The following ABCD3 variants were observed in gnomAD, a reference collection of about 807,000 sequenced individuals.
ABCD3 encodes the protein ATP-binding cassette sub-family D member 3.
Under a neutral mutation model 105.5 loss-of-function variants are expected in ABCD3, and 41 were observed. The observed-to-expected ratio is 0.39, with a 90% CI of 0.30 to 0.50. The LOEUF is 0.50. Ranked by LOEUF, ABCD3 falls within the 20% of genes least tolerant of loss-of-function variation. The probability of loss-of-function intolerance (pLI) is 0.84; values close to 1 mark genes in which losing one functional copy is unlikely to be tolerated. For missense variants in ABCD3, 622 were observed against 806.3 expected, an observed-to-expected ratio of 0.77 and a Z score of 2.77; for synonymous variants, 258 against 269.0, an observed-to-expected ratio of 0.96 and a Z score of 0.40.
At chr1:94,452,243 T>C (rs556870994) in intron 1 of ABCD3, among the ~76,000 whole-genome samples, 3 of 152,346 alleles carry the variant, frequency 2.0e-5, no homozygotes, top group Non-Finnish European at 4.4e-5. Context: ...GGAAGATAAG[T>C]GCTGAATTTT....
At chr1:94,396,664 T>C in the ABCD3 span, among the ~76,000 whole-genome samples, 1 of 152,206 alleles carries the variant, frequency 6.6e-6, no homozygotes, top group South Asian at 2.1e-4. Flanking sequence ...AAATTCTTCT[T>C]AATTTTATAG....
At chr1:94,400,176 G>A in the ABCD3 span, among the ~76,000 whole-genome samples, 3 of 152,202 alleles carry the variant, frequency 2.0e-5, no homozygotes, top group Admixed American at 6.5e-5. Flanking sequence ...GAGAGGACAA[G>A]GCGGGCAGAT....
chr1:94,431,015 C>G, intron 1 of ABCD3, among the ~76,000 whole-genome samples: 1 of 152,176 alleles, frequency 6.6e-6, no homozygotes, highest in East Asian at 1.9e-4. Flanking sequence ...TTTAACTTCT[C>G]TGAAATTTGG....
At chr1:94,398,916 G>A in the ABCD3 span, among the ~76,000 whole-genome samples, 5 of 151,678 alleles carry the variant, frequency 3.3e-5, no homozygotes, top group South Asian at 2.1e-4. Context: ...GTGAGACTCC[G>A]TCTCAAAAAA....
At position 94,418,396 on chromosome 1, in the gene ABCD3, T is replaced by G; in HGVS notation, c.-83T>G. 1 of 1,235,570 alleles carries G rather than the reference T, an allele frequency of 8.1e-7. No homozygotes were observed. The highest frequency in any genetic ancestry group is 1.1e-6 in the Non-Finnish European group (1 of 876,368). 76.5% of individuals were successfully genotyped at this position (1,235,570 alleles called of 1,614,324 possible). ...CCCGCCCTCTGCTCTCCTCCCAGTC[T>G]CCCCCGCGCTGCGTGCAGTAAGGTA... On this transcript the variant is annotated 5_prime_UTR_variant, in exon 1 of 23. Coordinates refer to ENST00000370214, the MANE Select transcript of ABCD3 (RefSeq NM_002858.4).
intron 9 of ABCD3, chr1:94,482,553 ACTT>A (rs1005948804): frequency 1.3e-5 from 2 of 152,554 alleles, no homozygotes; most frequent in African/African-American, 4.8e-5. Flanking sequence ...ACTACACTGA[ACTT>A]CTCTTCATCT....
At chr1:94,392,836 G>T in the ABCD3 span, among the ~76,000 whole-genome samples, 1 of 152,152 alleles carries the variant, frequency 6.6e-6, no homozygotes, top group Admixed American at 6.5e-5. Flanking sequence ...ATTGTAGGCT[G>T]GGCGTGGTGG....
At chr1:94,389,715 T>C in the ABCD3 span, among the ~76,000 whole-genome samples, 1 of 152,182 alleles carries the variant, frequency 6.6e-6, no homozygotes, top group Non-Finnish European at 1.5e-5. Flanking sequence ...TTAATTCTTC[T>C]AGTGCCCCTG....
chr1:94,502,436 A>C (rs1052533908), intron 20 of ABCD3, among the ~76,000 whole-genome samples: 1 of 151,958 alleles, frequency 6.6e-6, no homozygotes, highest in Admixed American at 6.6e-5. Context: ...CACCTTACAC[A>C]GGTGATCTCA....
the ABCD3 span, among the ~76,000 whole-genome samples, chr1:94,391,563 T>A: frequency 6.6e-6 from 1 of 152,104 alleles, no homozygotes; most frequent in African/African-American, 2.4e-5. Context: ...TGGCAATATC[T>A]TCTGTCAAGC....
intron 1 of ABCD3, among the ~76,000 whole-genome samples, chr1:94,436,759 A>G (rs775474623): frequency 6.6e-6 from 1 of 152,122 alleles, no homozygotes; most frequent in Non-Finnish European, 1.5e-5. Flanking sequence ...TGTTGTTACT[A>G]TTGTAATTGT....
chr1:94,469,139 C>T (rs1007042650), intron 4 of ABCD3, among the ~76,000 whole-genome samples: 3 of 152,202 alleles, frequency 2.0e-5, no homozygotes, highest in Non-Finnish European at 2.9e-5. Context: ...TACGTGGAGC[C>T]GGTCTTTTTT....
At chr1:94,505,483 G>A (rs1650309759) in intron 20 of ABCD3, among the ~76,000 whole-genome samples, 1 of 151,738 alleles carries the variant, frequency 6.6e-6, no homozygotes, top group Non-Finnish European at 1.5e-5. Context: ...CAAAGTGCTG[G>A]GATTATAGGC....
intron 1 of ABCD3, among the ~76,000 whole-genome samples, chr1:94,457,272 A>G (rs1351434772): frequency 6.6e-6 from 1 of 152,230 alleles, no homozygotes; most frequent in East Asian, 1.9e-4. Flanking sequence ...AAACATATAA[A>G]TAATCATATT....
Position 94,517,637 on chromosome 1 carries a change from T to G in ABCD3, c.*508T>G. The G allele has an allele frequency of 6.1e-6, 1 of 164,994 alleles. No homozygotes were observed. The highest frequency in any genetic ancestry group is 1.3e-5 in the Non-Finnish European group (1 of 75,494). 10.2% of individuals were successfully genotyped at this position (164,994 alleles called of 1,614,324 possible). On this transcript the variant is annotated 3_prime_UTR_variant, in exon 23 of 23. Coordinates refer to ENST00000370214, the MANE Select transcript of ABCD3 (RefSeq NM_002858.4). ...AACATCATTGCATAACAGCGTTTAT[T>G]ATACAGTGGCAGATTTCTTTAGCTG... is the stretch of plus-strand genomic sequence containing the variant.
At chr1:94,475,117 CAAT>C in intron 5 of ABCD3, 23 bp from the exon 6 acceptor site, 1 of 1,419,748 alleles carries the variant, frequency 7.0e-7, no homozygotes, top group Non-Finnish European at 9.8e-7. Context: ...AAAGCAAAAC[CAAT>C]AATATTTGTT....
chr1:94,494,428 A>G (rs1330845364), intron 16 of ABCD3, among the ~76,000 whole-genome samples: 1 of 152,196 alleles, frequency 6.6e-6, no homozygotes, highest in African/African-American at 2.4e-5. Context: ...AAAGTATTCT[A>G]AAGTAGACCT....
At position 94,485,234 on chromosome 1, in the gene ABCD3, T is replaced by C. The variant is rs577792246; in HGVS notation, c.897+1995T>C. On this transcript the variant is annotated intron_variant, in intron 10 of 22. Coordinates refer to ENST00000370214, the MANE Select transcript of ABCD3 (RefSeq NM_002858.4). ...GAATTCAAGTACTTTTATTCCATTATTTATTCAAAAGATATTGAATGCCGT... is the reference window on the plus strand; with the variant it reads ...GAATTCAAGTACTTTTATTCCATTACTTATTCAAAAGATATTGAATGCCGT... Among the ~76,000 whole-genome samples, 394 of 152,340 alleles carry C rather than the reference T, an allele frequency of 2.6e-3. 3 individuals carry two copies. Among genetic ancestry groups the C allele is most frequent in the African/African-American group, 9.2e-3 (381 of 41,576 alleles).
chr1:94,493,167 A>C (rs931900825), intron 16 of ABCD3, among the ~76,000 whole-genome samples: 2 of 151,918 alleles, frequency 1.3e-5, no homozygotes, highest in Non-Finnish European at 2.9e-5. Context: ...GCAGCCTACA[A>C]AATGGGAGAA....
Sources: gnomAD v4.1 joint callset for allele counts (sites outside exome capture counted in the v4.1 genomes callset) on GRCh38, gnomAD v4.1.1 for gene constraint, MANE v1.5 for transcripts, NCBI Gene and HGNC (gene_info 2026-07-23, HGNC 2026-07-21) for gene names.